Variants in SUN1 observed in about 807,000 individuals in gnomAD.
The protein encoded by SUN1 is Sad1 and UNC84 domain containing 1.
In SUN1, 61 loss-of-function variants were observed where a neutral mutation model predicts 103.2. That is an observed-to-expected ratio of 0.59 (90% confidence interval 0.48 to 0.73). The LOEUF is 0.73. SUN1 is among the 30% of genes least tolerant of loss of function. SUN1 has a pLI of 0.00. For synonymous variants in SUN1, 490 were observed against 425.7 expected, an observed-to-expected ratio of 1.15 and a Z score of -1.86; for missense variants, 1,052 against 1,034.6, an observed-to-expected ratio of 1.02 and a Z score of -0.23.
intron 16 of SUN1, among the ~76,000 whole-genome samples, chr7:867,471 G>A (rs949018020): frequency 2.2e-4 from 33 of 152,238 alleles, no homozygotes; most frequent in Admixed American, 2.6e-4. Flanking sequence ...GACCCTCCCA[G>A]AGGAGCTCAC....
chr7:866,112 C>T (rs1256330776), intron 16 of SUN1, 45 bp downstream of exon 16: 2 of 1,549,456 alleles, frequency 1.3e-6, no homozygotes, highest in South Asian at 2.2e-5. Flanking sequence ...TCAGCATGGA[C>T]TCGGTTAGTG....
In SUN1 at chr7:873,597, G is replaced by T; in HGVS notation, c.*266G>T. The T allele has an allele frequency of 2.6e-6, 1 of 385,972 alleles. No individual in the cohort carries two copies. Among genetic ancestry groups the T allele is most frequent in the Non-Finnish European group, 4.7e-6 (1 of 212,898 alleles). The allele number at this position is 385,972 out of a possible 1,614,324, so 23.9% of individuals were successfully genotyped here. A position where few individuals can be genotyped will look rare whatever the true frequency, so the allele number is the denominator to read the frequency against. ...CTCAGACACTCCTTGTTTTTAACGG[G>T]AAGCTCTTTGCATTTGCATTTCCTC... On this transcript the variant is annotated 3_prime_UTR_variant, in exon 19 of 19. Transcript: ENST00000401592.
At chr7:847,464 C>G (rs1817236172) in intron 5 of SUN1, among the ~76,000 whole-genome samples, 1 of 116,806 alleles carries the variant, frequency 8.6e-6, no homozygotes, top group African/African-American at 3.2e-5. Context: ...GCAGTCCAGT[C>G]TCCGGGGTCC....
intron 5 of SUN1, chr7:843,956 C>T: frequency 9.8e-7 from 1 of 1,021,688 alleles, no homozygotes; most frequent in Non-Finnish European, 1.2e-6. Context: ...GTCGCTAGCC[C>T]TGTGCTTATG....
intron 17 of SUN1, among the ~76,000 whole-genome samples, chr7:871,196 T>A (rs1290489501): frequency 6.6e-6 from 1 of 152,224 alleles, no homozygotes; most frequent in Non-Finnish European, 1.5e-5. Flanking sequence ...CATTTCTCTG[T>A]ATTTCAGATG....
intron 1 of SUN1, among the ~76,000 whole-genome samples, chr7:838,276 G>T (rs1805482487): frequency 6.6e-6 from 1 of 152,192 alleles, no homozygotes; most frequent in African/African-American, 2.4e-5. Flanking sequence ...GGAAGTGACT[G>T]TCTTTTGGTC....
chr7:860,481 G>T, intron 14 of SUN1, 99 bp downstream of exon 14: 1 of 1,544,384 alleles, frequency 6.5e-7, no homozygotes, highest in Non-Finnish European at 8.7e-7. Flanking sequence ...CTTGTTTTAA[G>T]AGTGGTCTGG....
chr7:872,623 G>A, intron 18 of SUN1, 61 bp downstream of exon 18: 1 of 1,353,672 alleles, frequency 7.4e-7, no homozygotes, highest in Non-Finnish European at 1.0e-6. Flanking sequence ...CGTGACAGCA[G>A]GGCCCAGCTG....
chr7:824,670 AGTC>A (rs1789674377), intron 1 of SUN1, among the ~76,000 whole-genome samples: 1 of 152,300 alleles, frequency 6.6e-6, no homozygotes, highest in East Asian at 1.9e-4. Context: ...TTCTGGTAGA[AGTC>A]GTCGTTTTCT....
intron 1 of SUN1, among the ~76,000 whole-genome samples, chr7:833,693 C>T (rs1584283444): frequency 6.6e-6 from 1 of 152,172 alleles, no homozygotes; most frequent in Non-Finnish European, 1.5e-5. Context: ...ATACTTGTTA[C>T]CAGCATTAGT....
At chr7:824,272 A>G (rs190556593) in intron 1 of SUN1, among the ~76,000 whole-genome samples, 10 of 152,352 alleles carry the variant, frequency 6.6e-5, no homozygotes, top group Admixed American at 2.6e-4. Context: ...GGAAATGCAC[A>G]TGAAAGCTGT....
intron 1 of SUN1, chr7:817,268 T>C (rs1781561871): frequency 1.4e-6 from 1 of 716,486 alleles, no homozygotes; most frequent in South Asian, 1.6e-5. Flanking sequence ...CTGATAGTCG[T>C]ATTTTTTGTA....
At chr7:831,492 G>T (rs951918869), upstream of SUN1, among the ~76,000 whole-genome samples, 1 of 152,060 alleles carries the variant, frequency 6.6e-6, no homozygotes, top group Non-Finnish European at 1.5e-5. Flanking sequence ...GGATGGTCTC[G>T]ATCTCCTGAC....
intron 1 of SUN1, chr7:817,353 G>GGC: frequency 6.8e-7 from 1 of 1,476,264 alleles, no homozygotes; most frequent in Non-Finnish European, 9.1e-7. Context: ...CCTGCCTGGA[G>GGC]GCGCGCGCGT....
chr7:848,080 G>A (rs1818117860), intron 5 of SUN1, among the ~76,000 whole-genome samples: 1 of 150,102 alleles, frequency 6.7e-6, no homozygotes, highest in South Asian at 2.1e-4. Flanking sequence ...CCCTCTCTGG[G>A]ATCTCCTGGG....
chr7:873,132 C>G (rs556711907), intron 18 of SUN1, 83 bp from the exon 19 acceptor site: 1 of 1,256,862 alleles, frequency 8.0e-7, no homozygotes, highest in African/African-American at 1.5e-5. Context: ...TGCTTCCTGT[C>G]AGACGTCATA....
rs1842978549 is a variant in SUN1 at position 873,387 on chromosome 7, C to A, written c.*56C>A. ...GTATATACTGGGACAGCGTGAAACA[C>A]TGGAATCCTTCATGGACGAGGGCAT... On this transcript the variant is annotated 3_prime_UTR_variant, in exon 19 of 19. Coordinates refer to ENST00000401592, the MANE Select transcript of SUN1 (RefSeq NM_001130965.3). 6.8e-7 allele frequency: 1 copy of A among 1,459,932 alleles called. No homozygotes were observed. Among genetic ancestry groups the A allele is most frequent in the African/African-American group, 1.4e-5 (1 of 71,854 alleles). The allele number at this position is 1,459,932 out of a possible 1,614,324, so 90.4% of individuals were successfully genotyped here.
chr7:852,177 TG>T, intron 7 of SUN1, 134 bp downstream of exon 7: 1 of 813,546 alleles, frequency 1.2e-6, no homozygotes, highest in South Asian at 1.8e-5. Context: ...TTTACAAAAG[TG>T]CTTTTATATT....
chr7:873,378 C>T lies in SUN1; in HGVS notation c.*47C>T, dbSNP rs1421785501. 5 of 1,501,878 alleles carry T rather than the reference C, an allele frequency of 3.3e-6. No homozygotes were observed. Among genetic ancestry groups the T allele is most frequent in the Non-Finnish European group, 4.6e-6 (5 of 1,079,114 alleles). 93.0% of individuals were successfully genotyped at this position (1,501,878 alleles called of 1,614,324 possible). ...TACATTTTTGTATATACTGGGACAG[C>T]GTGAAACACTGGAATCCTTCATGGA... On this transcript the variant is annotated 3_prime_UTR_variant, in exon 19 of 19. Transcript: ENST00000401592.
Sources: allele counts gnomAD v4.1 joint callset (sites outside exome capture counted in the v4.1 genomes callset), GRCh38; gene constraint gnomAD v4.1.1; transcripts MANE v1.5; gene names NCBI Gene and HGNC (gene_info 2026-07-23, HGNC 2026-07-21).